EPB41L4A: variants seen among roughly 807,000 people sequenced by gnomAD.
The protein encoded by EPB41L4A is band 4.1-like protein 4A.
EPB41L4A carries 100 observed loss-of-function variants against 108.6 expected under a neutral mutation model. The observed-to-expected ratio is 0.92, with a 90% CI of 0.78 to 1.09. EPB41L4A has a LOEUF of 1.09. EPB41L4A is among the 50% of genes least tolerant of loss of function. EPB41L4A has a pLI of 0.00. For synonymous variants in EPB41L4A, 319 were observed against 289.0 expected (o/e 1.10, Z -1.05); for missense variants, 1,030 against 842.7 (o/e 1.22, Z -2.75).
intron 1 of EPB41L4A, among the ~76,000 whole-genome samples, chr5:112,325,833 G>A (rs1390324684): frequency 6.6e-6 from 1 of 152,074 alleles, no homozygotes; most frequent in Non-Finnish European, 1.5e-5. Flanking sequence ...CCCCAGCTCT[G>A]GTATTCTATG....
At chr5:112,296,433 A>T (rs1753987435) in intron 2 of EPB41L4A, among the ~76,000 whole-genome samples, 1 of 152,110 alleles carries the variant, frequency 6.6e-6, no homozygotes, top group South Asian at 2.1e-4. Flanking sequence ...CATTGCTTTC[A>T]ACTAAAGAAA....
In EPB41L4A at chr5:112,222,949, T is replaced by TTG. The variant is rs1554080350; in HGVS notation, c.1087+11684_1087+11685insCA. ...GCTCCACAAGTGAAACTAGTTTTTT[T>TTG]TTTTTTTTTTAAGATGGAGTCTGGC... On this transcript the variant is annotated intron_variant, in intron 12 of 22. Transcript: ENST00000261486. Among the ~76,000 whole-genome samples the TTG allele has an allele frequency of 4.1e-4, 58 of 143,192 alleles. 1 individual carries two copies. Among genetic ancestry groups the TTG allele is most frequent in the African/African-American group, 1.5e-3 (58 of 39,342 alleles). The allele number at this position is 143,192 out of a possible 152,430, so 93.9% of individuals were successfully genotyped here.
At chr5:112,147,135 A>C (rs1759288604) in intron 12 of EPB41L4A, among the ~76,000 whole-genome samples, 1 of 151,148 alleles carries the variant, frequency 6.6e-6, no homozygotes, top group Non-Finnish European at 1.5e-5. Flanking sequence ...GGTTTTCTAC[A>C]TGTAGTAACA....
rs761039036 is a variant in EPB41L4A, at chr5:112,266,345, A to G, written c.336-15T>C. 10 of 1,560,262 alleles carry G rather than the reference A, an allele frequency of 6.4e-6. No individual in the cohort carries two copies. Among genetic ancestry groups the G allele is most frequent in the Non-Finnish European group, 8.7e-6 (10 of 1,147,512 alleles). On this transcript the variant is annotated splice_polypyrimidine_tract_variant and intron_variant, in intron 4 of 22. Coordinates refer to ENST00000261486, the MANE Select transcript of EPB41L4A (RefSeq NM_022140.5). ...AAAACTGATATCTAAAAGAGAAACAAAAAGAGAGATTAACGATCTCTTACA... is the reference window on the plus strand; with the variant it reads ...AAAACTGATATCTAAAAGAGAAACAGAAAGAGAGATTAACGATCTCTTACA...
At chr5:112,176,011 G>A (rs1158210397) in intron 18 of EPB41L4A, among the ~76,000 whole-genome samples, 1 of 151,954 alleles carries the variant, frequency 6.6e-6, no homozygotes, top group African/African-American at 2.4e-5. Flanking sequence ...GACTTTTTGT[G>A]AGTTGCCTTA....
intron 12 of EPB41L4A, among the ~76,000 whole-genome samples, chr5:112,227,923 T>TG (rs1425401210): frequency 2.0e-5 from 3 of 152,174 alleles, no homozygotes; most frequent in Non-Finnish European, 4.4e-5. Context: ...TCATTCACTA[T>TG]GGGGGGTCCA....
upstream of EPB41L4A, chr5:112,419,732 A>G (rs1416048278): frequency 4.4e-6 from 2 of 456,560 alleles, no homozygotes; most frequent in Non-Finnish European, 8.8e-6. Context: ...GCCGGAAGAG[A>G]GGCGGAAAGG....
At chr5:112,187,422 C>T (rs763502630) in intron 17 of EPB41L4A, among the ~76,000 whole-genome samples, 1 of 152,140 alleles carries the variant, frequency 6.6e-6, no homozygotes, top group Non-Finnish European at 1.5e-5. Context: ...AAATTCTAAC[C>T]ATGTTTCAGA....
intron 12 of EPB41L4A, among the ~76,000 whole-genome samples, chr5:112,154,626 T>C (rs760699385): frequency 6.6e-6 from 1 of 152,080 alleles, no homozygotes; most frequent in East Asian, 1.9e-4. Context: ...TGTGCAAAAA[T>C]TGGAACAACA....
At chr5:112,220,286 G>C (rs1439418711) in intron 12 of EPB41L4A, among the ~76,000 whole-genome samples, 1 of 152,176 alleles carries the variant, frequency 6.6e-6, no homozygotes, top group Non-Finnish European at 1.5e-5. Flanking sequence ...TCTATCAAGT[G>C]ACAAATCCGC....
intron 12 of EPB41L4A, among the ~76,000 whole-genome samples, chr5:112,155,341 A>T (rs117531379): frequency 6.6e-6 from 1 of 152,106 alleles, no homozygotes; most frequent in Non-Finnish European, 1.5e-5. Context: ...TTAGCTCCCA[A>T]AACTCAATGC....
chr5:112,313,317 C>A (rs575103341), intron 1 of EPB41L4A, among the ~76,000 whole-genome samples: 1 of 152,138 alleles, frequency 6.6e-6, no homozygotes, highest in African/African-American at 2.4e-5. Flanking sequence ...GTAGGGTGGG[C>A]GCGGTGGCTC....
At chr5:112,300,560 T>C (rs1754286577) in intron 2 of EPB41L4A, among the ~76,000 whole-genome samples, 1 of 152,198 alleles carries the variant, frequency 6.6e-6, no homozygotes, top group Non-Finnish European at 1.5e-5. Context: ...CCTAATGCTT[T>C]TGCCTCACAG....
intron 1 of EPB41L4A, among the ~76,000 whole-genome samples, chr5:112,402,589 C>T (rs1356510876): frequency 1.3e-5 from 2 of 151,992 alleles, no homozygotes; most frequent in South Asian, 2.1e-4. Flanking sequence ...AAAGAAAAAG[C>T]GTGGGGAAAA....
chr5:112,388,352 C>T (rs1394541783), intron 1 of EPB41L4A, among the ~76,000 whole-genome samples: 20 of 152,158 alleles, frequency 1.3e-4, no homozygotes, highest in Admixed American at 1.2e-3. Flanking sequence ...GGAAACAGAT[C>T]GGCAGACCTA....
At chr5:112,360,542 C>T (rs866794201) in intron 1 of EPB41L4A, among the ~76,000 whole-genome samples, 13 of 152,190 alleles carry the variant, frequency 8.5e-5, no homozygotes, top group Non-Finnish European at 1.8e-4. Flanking sequence ...CCCGAGGTGC[C>T]GGGATTGCAG....
intron 12 of EPB41L4A, among the ~76,000 whole-genome samples, chr5:112,146,696 T>G (rs1743182149): frequency 6.6e-6 from 1 of 152,186 alleles, no homozygotes; most frequent in Admixed American, 6.5e-5. Context: ...CCAGTCGAGC[T>G]GCCTAACCAC....
chr5:112,182,949 T>C (rs1346559275), intron 18 of EPB41L4A, among the ~76,000 whole-genome samples: 1 of 152,190 alleles, frequency 6.6e-6, no homozygotes, highest in Non-Finnish European at 1.5e-5. Context: ...AGTGACTATT[T>C]GCAGGTTTTC....
intron 12 of EPB41L4A, among the ~76,000 whole-genome samples, chr5:112,218,715 T>A (rs1256924968): frequency 1.3e-5 from 2 of 152,230 alleles, no homozygotes; most frequent in Non-Finnish European, 2.9e-5. Context: ...GTTTTTAAAA[T>A]GCTTATTTAG....
Sources: allele counts gnomAD v4.1 joint callset (sites outside exome capture counted in the v4.1 genomes callset), GRCh38; gene constraint gnomAD v4.1.1; transcripts MANE v1.5; gene names NCBI Gene and HGNC (gene_info 2026-07-23, HGNC 2026-07-21).